The following OSBPL1A variants were observed in gnomAD, a reference collection of about 807,000 sequenced individuals.
OSBPL1A encodes the protein oxysterol binding protein like 1A.
In OSBPL1A, 80 loss-of-function variants were observed where a neutral mutation model predicts 137.1. That is an observed-to-expected ratio of 0.58 (90% CI 0.49 to 0.70). OSBPL1A has a LOEUF of 0.70. Among genes scored for constraint, OSBPL1A ranks in the 30% least tolerant of loss-of-function variants. The pLI, the probability that OSBPL1A is intolerant of heterozygous loss-of-function variation, is 0.00. For missense variants in OSBPL1A, 970 were observed against 1,129.4 expected, an observed-to-expected ratio of 0.86 and a Z score of 2.02; for synonymous variants, 365 against 389.7, an observed-to-expected ratio of 0.94 and a Z score of 0.75.
At chr18:24,262,294 G>C (rs1599581872) in intron 15 of OSBPL1A, among the ~76,000 whole-genome samples, 1 of 152,208 alleles carries the variant, frequency 6.6e-6, no homozygotes, top group East Asian at 1.9e-4. Flanking sequence ...GCACACTCCT[G>C]TCTCATCATG....
At chr18:24,358,237 G>A in intron 4 of OSBPL1A, 1 of 503,918 alleles carries the variant, frequency 2.0e-6, no homozygotes, top group East Asian at 3.1e-5. Context: ...CTCCAGGGAT[G>A]AGGGTTTCCA....
chr18:24,249,536 C>T (rs1049972220), intron 15 of OSBPL1A, among the ~76,000 whole-genome samples: 8 of 152,212 alleles, frequency 5.3e-5, no homozygotes, highest in Non-Finnish European at 5.9e-5. Context: ...AGTCTTGAAT[C>T]ACCAACACCA....
At chr18:24,278,395 A>C (rs2089891416) in intron 15 of OSBPL1A, among the ~76,000 whole-genome samples, 1 of 152,236 alleles carries the variant, frequency 6.6e-6, no homozygotes, top group Non-Finnish European at 1.5e-5. Flanking sequence ...AAGATCTTAC[A>C]ATAACTGTTA....
intron 17 of OSBPL1A, among the ~76,000 whole-genome samples, chr18:24,203,104 A>G (rs1469824238): frequency 2.0e-5 from 3 of 152,170 alleles, no homozygotes; most frequent in Non-Finnish European, 2.9e-5. Context: ...CAGCCATCCG[A>G]GTAGCTGGGA....
rs117394605 is a variant in OSBPL1A at position 24,370,097 on chromosome 18, C to T, written c.122-1725G>A. 7.6e-4 allele frequency among the ~76,000 whole-genome samples: 116 copies of T among 152,328 alleles called. 1 individual carries two copies. In the East Asian group the frequency reaches 0.021, roughly 27 times the overall value. ...ATTAGCCAGGCCTGGTGGTGCACACCTGCAGTCTCAGCTACTCCAGAGGCT... is the reference window on the plus strand; with the variant it reads ...ATTAGCCAGGCCTGGTGGTGCACACTTGCAGTCTCAGCTACTCCAGAGGCT... On this transcript the variant is annotated intron_variant, in intron 2 of 27. Coordinates refer to ENST00000319481, the MANE Select transcript of OSBPL1A (RefSeq NM_080597.4).
intron 14 of OSBPL1A, among the ~76,000 whole-genome samples, chr18:24,297,077 A>G (rs141878251): frequency 3.6e-4 from 55 of 152,244 alleles, no homozygotes; most frequent in Non-Finnish European, 6.2e-4. Flanking sequence ...TAGGATTGTT[A>G]CCAATTCTTT....
intron 7 of OSBPL1A, among the ~76,000 whole-genome samples, chr18:24,331,791 C>T (rs2091084093): frequency 6.6e-6 from 1 of 152,156 alleles, no homozygotes; most frequent in Non-Finnish European, 1.5e-5. Context: ...ACAGTCAATC[C>T]TCATTATATA....
intron 4 of OSBPL1A, among the ~76,000 whole-genome samples, chr18:24,347,303 C>T (rs1257648233): frequency 6.6e-6 from 1 of 152,056 alleles, no homozygotes; most frequent in Non-Finnish European, 1.5e-5. Flanking sequence ...CAGCCTTCTA[C>T]CTTCCGAGTA....
intron 1 of OSBPL1A, among the ~76,000 whole-genome samples, chr18:24,384,891 A>AAAGAAAG (rs1234439666): frequency 2.6e-5 from 4 of 151,854 alleles, no homozygotes; most frequent in Admixed American, 6.6e-5. Context: ...AAAAAAGAAA[A>AAAGAAAG]AAGAAAGAAA....
At chr18:24,200,706 A>G (rs2087194648) in intron 17 of OSBPL1A, among the ~76,000 whole-genome samples, 1 of 152,156 alleles carries the variant, frequency 6.6e-6, no homozygotes, top group African/African-American at 2.4e-5. Flanking sequence ...AAAGGGTTGT[A>G]TTGTTTCAAG....
chr18:24,352,406 C>A (rs2091456367), intron 4 of OSBPL1A, among the ~76,000 whole-genome samples: 2 of 151,982 alleles, frequency 1.3e-5, no homozygotes, highest in Admixed American at 6.6e-5. Context: ...AATAAAACAA[C>A]AATGAAAGAG....
chr18:24,348,611 A>G (rs2146167628), intron 4 of OSBPL1A, among the ~76,000 whole-genome samples: 1 of 152,134 alleles, frequency 6.6e-6, no homozygotes, highest in Middle Eastern at 3.4e-3. Context: ...CATCTCTACT[A>G]AAAATATAAA....
chr18:24,220,330 A>G (rs1178974973), intron 17 of OSBPL1A, among the ~76,000 whole-genome samples: 1 of 151,976 alleles, frequency 6.6e-6, no homozygotes, highest in African/African-American at 2.4e-5. Flanking sequence ...CGCTTGGGAG[A>G]GTTGAGATAG....
At chr18:24,301,878 T>C (rs2090407407) in intron 14 of OSBPL1A, among the ~76,000 whole-genome samples, 1 of 152,188 alleles carries the variant, frequency 6.6e-6, no homozygotes, top group Non-Finnish European at 1.5e-5. Flanking sequence ...TCACATTCTC[T>C]GGAAATATAG....
intron 15 of OSBPL1A, among the ~76,000 whole-genome samples, chr18:24,277,989 A>G (rs933193279): frequency 6.6e-6 from 1 of 152,232 alleles, no homozygotes; most frequent in Non-Finnish European, 1.5e-5. Flanking sequence ...AACATACTCT[A>G]TATATGTAAC....
chr18:24,164,007 G>A (rs67109045), intron 27 of OSBPL1A, among the ~76,000 whole-genome samples: 25,091 of 152,066 alleles, frequency 0.17, 2,253 homozygotes, highest in Non-Finnish European at 0.18. Context: ...TGGGATTACA[G>A]GTGTGAGCCA....
At chr18:24,286,629 T>C (rs2090070802) in intron 14 of OSBPL1A, among the ~76,000 whole-genome samples, 1 of 152,216 alleles carries the variant, frequency 6.6e-6, no homozygotes, top group East Asian at 1.9e-4. Context: ...GAATAATCCA[T>C]AGTTTGATGA....
intron 21 of OSBPL1A, among the ~76,000 whole-genome samples, chr18:24,177,717 T>C (rs2086486123): frequency 6.6e-6 from 1 of 152,200 alleles, no homozygotes; most frequent in Non-Finnish European, 1.5e-5. Flanking sequence ...GGCACAAGGA[T>C]ATAAAAAAGC....
At chr18:24,246,476 G>A (rs1001011919) in intron 15 of OSBPL1A, among the ~76,000 whole-genome samples, 1 of 151,872 alleles carries the variant, frequency 6.6e-6, no homozygotes, top group Non-Finnish European at 1.5e-5. Context: ...AAAAGGGGAT[G>A]GAGGAGCCAA....
Sources: allele counts gnomAD v4.1 joint callset (sites outside exome capture counted in the v4.1 genomes callset), GRCh38; gene constraint gnomAD v4.1.1; transcripts MANE v1.5; gene names NCBI Gene and HGNC (gene_info 2026-07-23, HGNC 2026-07-21).